HSPG2: variants seen among roughly 807,000 people sequenced by gnomAD.
HSPG2 encodes basement membrane-specific heparan sulfate proteoglycan core protein.
A neutral mutation model predicts 526.6 loss-of-function variants in HSPG2; 278 were observed. The ratio of observed to expected loss-of-function variants is 0.53; its 90% CI spans 0.48 to 0.58. The LOEUF is 0.58. Ranked by LOEUF, HSPG2 falls within the 20% of genes least tolerant of loss-of-function variation. The pLI is 0.00. For synonymous variants in HSPG2, 2,465 were observed against 2,555.4 expected (o/e 0.96, Z 1.07); for missense variants, 5,354 against 6,099.5 (o/e 0.88, Z 4.07).
In HSPG2 at chr1:21,890,401, G is replaced by A. The variant is rs748340342; in HGVS notation, c.413+26C>T. ...CCAGGTTACCCGCTCAAGTCCCCCA[G>A]CAGCCCCCAGGGAGCCCCTTCTCAC... is the stretch of plus-strand genomic sequence containing the variant. On this transcript the variant is annotated intron_variant, in intron 5 of 96. Transcript: ENST00000374695. The surrounding 1 kb of genome is among the most constrained non-coding windows in gnomAD (Gnocchi z 4.1). 6.2e-6 allele frequency: 10 copies of A among 1,610,852 alleles called. No homozygotes were observed. The highest frequency in any genetic ancestry group is 2.2e-5 in the East Asian group (1 of 44,854).
rs546808961 is a variant in HSPG2, at chr1:21,885,149, G to C, written c.1219C>G (p.Gln407Glu). ...RSDEFGCMPP[Q>E]VVTPPRESIQ... The stretch of plus-strand genomic sequence containing the variant: ...GACTCCCGGGGAGGTGTCACCACCT[G>C]GGGGGGCACTGAGGAGACCAGGGCA... The change falls in exon 11 of 97, where the codon CAG (glutamine) becomes GAG (glutamate). Residue 407 changes from glutamine to glutamate, a missense_variant. By Grantham distance (29) the Gln-to-Glu change is conservative. Coordinates refer to ENST00000374695, the MANE Select transcript of HSPG2 (RefSeq NM_005529.7). 5 of 1,606,436 alleles carry C rather than the reference G, an allele frequency of 3.1e-6. No individual in the cohort carries two copies. Among genetic ancestry groups the C allele is most frequent in the Non-Finnish European group, 3.4e-6 (4 of 1,175,794 alleles).
intron 6 of HSPG2, among the ~76,000 whole-genome samples, chr1:21,889,645 C>T (rs2152765090): frequency 6.6e-6 from 1 of 151,002 alleles, no homozygotes; most frequent in East Asian, 1.9e-4. Context: ...GAAATAAAGG[C>T]AGTCAGTGCT....
intron 3 of HSPG2, among the ~76,000 whole-genome samples, chr1:21,892,123 G>A (rs989675370): frequency 1.1e-4 from 17 of 152,242 alleles, no homozygotes; most frequent in African/African-American, 3.6e-4. Flanking sequence ...CATCAGGCCC[G>A]CAGGTGCACA....
chr1:21,901,661 G>A (rs1203988459), intron 1 of HSPG2, among the ~76,000 whole-genome samples: 2 of 152,038 alleles, frequency 1.3e-5, no homozygotes, highest in African/African-American at 2.4e-5. Context: ...GACTGCCCCC[G>A]CAGCTAGGCA....
At chr1:21,903,818 G>A (rs1324389382) in intron 1 of HSPG2, among the ~76,000 whole-genome samples, 2 of 152,020 alleles carry the variant, frequency 1.3e-5, no homozygotes. Context: ...AGCTAGGGGT[G>A]GGCACCCAAC....
In HSPG2 at chr1:21,862,223, TAAAG is replaced by T. The variant is rs893199086; in HGVS notation, c.4741-112_4741-109del. ...AAATTCCAAGTTTGTGAACTCATCT[TAAAG>T]AAAGAATCATGGAAGGGCACAAAGA... is the stretch of plus-strand genomic sequence containing the variant. On this transcript the variant is annotated intron_variant, in intron 37 of 96. Transcript: ENST00000374695. 4.7e-5 allele frequency: 59 copies of T among 1,266,770 alleles called. No individual in the cohort carries two copies. The Admixed American group carries it at 1.1e-3, about 23-fold the overall frequency. 78.5% of individuals were successfully genotyped at this position (1,266,770 alleles called of 1,614,324 possible). A position where few individuals can be genotyped will look rare whatever the true frequency, so the allele number is the denominator to read the frequency against.
rs1356728685 is a variant in HSPG2, at chr1:21,855,511, C to G, written c.5854+12G>C. On this transcript the variant is annotated intron_variant, in intron 46 of 96. Transcript: ENST00000374695. ...CACACTCCCGGCCCCCACCCTGAGCCCGGCCTCTCACCATGCACGTGGAGC... is the reference window on the plus strand; with the variant it reads ...CACACTCCCGGCCCCCACCCTGAGCGCGGCCTCTCACCATGCACGTGGAGC... 1.9e-6 allele frequency: 3 copies of G among 1,610,668 alleles called. No homozygotes were observed. The highest frequency in any genetic ancestry group is 2.5e-6 in the Non-Finnish European group (3 of 1,179,222).
Position 21,839,249 on chromosome 1 carries a change from T to C in HSPG2, c.9889+122A>G. 3 of 1,450,774 alleles carry C rather than the reference T, an allele frequency of 2.1e-6. No individual in the cohort carries two copies. The highest frequency in any genetic ancestry group is 2.9e-6 in the Non-Finnish European group (3 of 1,048,492). The allele number at this position is 1,450,774 out of a possible 1,614,324, so 89.9% of individuals were successfully genotyped here. On this transcript the variant is annotated intron_variant, in intron 73 of 96. Transcript: ENST00000374695. This position sits in a 1 kb window ranked among gnomAD's most constrained non-coding sequence, Gnocchi z 4.5. ...GGTGTGGGTGTCGGGCAGGGCAGGCTCCAGGACCCTGCAGCGCCTGGAGAC... is the reference window on the plus strand; with the variant it reads ...GGTGTGGGTGTCGGGCAGGGCAGGCCCCAGGACCCTGCAGCGCCTGGAGAC...
In HSPG2 at chr1:21,919,693, C is replaced by T. The variant is rs77346462; in HGVS notation, c.63+17462G>A. Among the ~76,000 whole-genome samples, 32 of 152,212 alleles carry T rather than the reference C, an allele frequency of 2.1e-4. No homozygotes were observed. The East Asian group carries it at 5.8e-3, about 28-fold the overall frequency. ...CACATGAGTCACTTGGAGATCTTGT[C>T]GGCGTGCAGATTCTGAGTCAGTAGG... On this transcript the variant is annotated intron_variant, in intron 1 of 96. Transcript: ENST00000374695.
chr1:21,875,067 T>G (rs1275348716), intron 25 of HSPG2, 65 bp from the exon 26 acceptor site: 1 of 1,192,728 alleles, frequency 8.4e-7, no homozygotes, highest in African/African-American at 1.5e-5. Flanking sequence ...CCTGGAGTCC[T>G]CCACTGGCAG....
At chr1:21,844,844 T>C (rs1473391183) in intron 64 of HSPG2, among the ~76,000 whole-genome samples, 1 of 152,264 alleles carries the variant, frequency 6.6e-6, no homozygotes, top group Non-Finnish European at 1.5e-5. Context: ...TGCTGGATCA[T>C]GTTTACTGCT....
chr1:21,892,466 C>T (rs1158850659), intron 3 of HSPG2, among the ~76,000 whole-genome samples: 1 of 152,376 alleles, frequency 6.6e-6, no homozygotes, highest in East Asian at 1.9e-4. Flanking sequence ...AGCCTGACCC[C>T]ACCCCGCTTC....
chr1:21,851,774 C>T lies in HSPG2; in HGVS notation c.7006+17G>A, dbSNP rs2152719721. The T allele has an allele frequency of 6.2e-7, 1 of 1,614,038 alleles. No homozygotes were observed. On this transcript the variant is annotated intron_variant, in intron 54 of 96. Transcript: ENST00000374695. ...CCTGTTCTCTGCATCCCAGCCCAGC[C>T]TGGTGGCCCCACTCACGGTAGGCTA... is the stretch of plus-strand genomic sequence containing the variant.
Position 21,873,623 on chromosome 1 carries a change from G to A in HSPG2, c.3744-199C>T, listed in dbSNP as rs150874862. On this transcript the variant is annotated intron_variant, in intron 29 of 96. Transcript: ENST00000374695. ...CCGCACAGCCAGTGAATTGGGGCAG[G>A]TAGGAACCCAGGAGTTTCAGAAAGA... Among the ~76,000 whole-genome samples, 351 of 152,328 alleles carry A rather than the reference G, an allele frequency of 2.3e-3. 2 individuals carry two copies. The highest frequency in any genetic ancestry group is 4.3e-3 in the Admixed American group (66 of 15,302).
chr1:21,911,385 C>T (rs1643674863), intron 1 of HSPG2, among the ~76,000 whole-genome samples: 1 of 151,848 alleles, frequency 6.6e-6, no homozygotes, highest in African/African-American at 2.4e-5. Flanking sequence ...GGGAAGTCAC[C>T]TCTGGCCCTC....
At position 21,878,181 on chromosome 1, in the gene HSPG2, C is replaced by G. The variant is rs765235124; in HGVS notation, c.2685+5G>C. 1.2e-6 allele frequency: 2 copies of G among 1,613,382 alleles called. No individual in the cohort carries two copies. The highest frequency in any genetic ancestry group is 1.7e-6 in the Non-Finnish European group (2 of 1,179,744). ...CCCTGGGTGGGTGGCAGATGGCACG[C>G]GTACCTTACAGCGGCAGGCCTCCCC... On this transcript the variant is annotated splice_donor_5th_base_variant and intron_variant, in intron 21 of 96. Coordinates refer to ENST00000374695, the MANE Select transcript of HSPG2 (RefSeq NM_005529.7).
At chr1:21,907,572 G>A (rs1020022235) in intron 1 of HSPG2, among the ~76,000 whole-genome samples, 1 of 152,082 alleles carries the variant, frequency 6.6e-6, no homozygotes, top group Non-Finnish European at 1.5e-5. Context: ...CTGCTCTGTC[G>A]CCCAGGCTGG....
intron 39 of HSPG2, among the ~76,000 whole-genome samples, 193 bp from the exon 40 acceptor site, chr1:21,860,428 G>A (rs538681891): frequency 1.5e-3 from 227 of 152,332 alleles, no homozygotes; most frequent in Non-Finnish European, 2.9e-3. Context: ...GTGTAAGGGA[G>A]TGTTAGCAGG....
chr1:21,825,442 T>C (rs1407342360), intron 91 of HSPG2, among the ~76,000 whole-genome samples: 2 of 152,166 alleles, frequency 1.3e-5, no homozygotes, highest in Non-Finnish European at 2.9e-5. Context: ...TGGCAATAAA[T>C]GGTTCAGAGC....
Sources: allele counts gnomAD v4.1 joint callset (sites outside exome capture counted in the v4.1 genomes callset), GRCh38; gene constraint gnomAD v4.1.1; non-coding constraint Gnocchi (gnomAD v3.1); transcripts MANE v1.5; gene names NCBI Gene and HGNC (gene_info 2026-07-23, HGNC 2026-07-21).